The following CCDC85A variants were observed in gnomAD, a reference collection of about 807,000 sequenced individuals.
CCDC85A encodes the protein coiled-coil domain containing 85A, also known as coiled-coil domain-containing protein 85A.
CCDC85A carries 38 observed loss-of-function variants against 50.2 expected under a neutral mutation model. The ratio of observed to expected loss-of-function variants is 0.76; its 90% CI spans 0.58 to 0.99. The LOEUF (loss-of-function observed/expected upper bound fraction) is 0.99, where lower values mean the gene tolerates loss of function less well. Among genes scored for constraint, CCDC85A ranks in the 50% least tolerant of loss-of-function variants. The pLI is 0.00. For synonymous variants in CCDC85A, 366 were observed against 301.4 expected, an observed-to-expected ratio of 1.21 and a Z score of -2.22; for missense variants, 820 against 742.0, an observed-to-expected ratio of 1.11 and a Z score of -1.22.
At chr2:56,325,525 C>G (rs1253754795) in intron 2 of CCDC85A, among the ~76,000 whole-genome samples, 2 of 151,904 alleles carry the variant, frequency 1.3e-5, no homozygotes, top group African/African-American at 2.4e-5. Flanking sequence ...TGTTATCCAC[C>G]AAAAATAATG....
At chr2:56,273,346 T>C (rs1670780553) in intron 2 of CCDC85A, among the ~76,000 whole-genome samples, 2 of 151,982 alleles carry the variant, frequency 1.3e-5, no homozygotes, top group African/African-American at 4.8e-5. Context: ...CACCTCAGTA[T>C]ATGGGAGGGG....
chr2:56,361,371 A>G (rs1285751094), intron 3 of CCDC85A, among the ~76,000 whole-genome samples: 2 of 152,210 alleles, frequency 1.3e-5, no homozygotes, highest in African/African-American at 4.8e-5. Flanking sequence ...TCTCTTATGT[A>G]CAGATACTGT....
At chr2:56,364,662 G>C (rs6706350) in intron 3 of CCDC85A, among the ~76,000 whole-genome samples, 135,917 of 152,138 alleles carry the variant, frequency 0.89, 60,864 homozygotes, top group East Asian at 0.96. Context: ...TATTTTCTAT[G>C]CTGGTTAATA....
intron 5 of CCDC85A, 95 bp from the exon 6 acceptor site, chr2:56,384,171 C>A: frequency 9.5e-7 from 1 of 1,057,412 alleles, no homozygotes. Context: ...GTCTTTACTT[C>A]ATCTTCGCTC....
At chr2:56,265,535 T>C (rs1369232043) in intron 2 of CCDC85A, among the ~76,000 whole-genome samples, 1 of 152,140 alleles carries the variant, frequency 6.6e-6, no homozygotes, top group East Asian at 1.9e-4. Flanking sequence ...CCAACAGGTA[T>C]ATGAAAAAAT....
At chr2:56,252,020 C>T (rs1221413806) in intron 2 of CCDC85A, among the ~76,000 whole-genome samples, 1 of 151,608 alleles carries the variant, frequency 6.6e-6, no homozygotes, top group Non-Finnish European at 1.5e-5. Context: ...GGCTTCATCC[C>T]CTCATAGTTT....
chr2:56,310,480 C>G (rs959202977), intron 2 of CCDC85A, among the ~76,000 whole-genome samples: 3 of 152,110 alleles, frequency 2.0e-5, no homozygotes, highest in African/African-American at 7.2e-5. Context: ...GACAAAATGG[C>G]TTTCCTTTAT....
chr2:56,383,035 T>C (rs1676664513), intron 5 of CCDC85A, among the ~76,000 whole-genome samples: 1 of 152,002 alleles, frequency 6.6e-6, no homozygotes, highest in African/African-American at 2.4e-5. Flanking sequence ...TATATATTAA[T>C]AATTCCTTTC....
intron 2 of CCDC85A, among the ~76,000 whole-genome samples, chr2:56,301,957 T>TA (rs1425498441): frequency 6.6e-6 from 1 of 152,032 alleles, no homozygotes; most frequent in Non-Finnish European, 1.5e-5. Flanking sequence ...AAAGTGTAAT[T>TA]AAAAAAATCA....
intron 2 of CCDC85A, among the ~76,000 whole-genome samples, chr2:56,332,913 A>C (rs955405083): frequency 1.3e-5 from 2 of 152,154 alleles, no homozygotes; most frequent in East Asian, 3.9e-4. Flanking sequence ...GAAATAATGG[A>C]AAAGTATAGG....
intron 2 of CCDC85A, among the ~76,000 whole-genome samples, chr2:56,321,952 C>A (rs1004555537): frequency 5.9e-5 from 9 of 152,220 alleles, no homozygotes; most frequent in South Asian, 2.1e-4. Flanking sequence ...GAGATATAGA[C>A]CAATGGAACA....
At chr2:56,295,626 C>CT (rs1420808868) in intron 2 of CCDC85A, among the ~76,000 whole-genome samples, 5 of 152,138 alleles carry the variant, frequency 3.3e-5, no homozygotes, top group Non-Finnish European at 5.9e-5. Context: ...AATGGCCCCT[C>CT]TGTCTAGGAG....
At chr2:56,335,270 T>G (rs1222621748) in intron 2 of CCDC85A, among the ~76,000 whole-genome samples, 2 of 152,160 alleles carry the variant, frequency 1.3e-5, no homozygotes, top group African/African-American at 4.8e-5. Flanking sequence ...TGACGTAATT[T>G]CCTTAGGGAT....
At chr2:56,206,187 T>C in intron 2 of CCDC85A, among the ~76,000 whole-genome samples, 1 of 152,200 alleles carries the variant, frequency 6.6e-6, no homozygotes. Flanking sequence ...GAATGTTTTC[T>C]AATAGCAACA....
chr2:56,203,685 T>A (rs557894767), intron 2 of CCDC85A, among the ~76,000 whole-genome samples: 22 of 152,296 alleles, frequency 1.4e-4, no homozygotes, highest in Non-Finnish European at 2.8e-4. Context: ...CCCTGTGGAC[T>A]TTCACCCATA....
chr2:56,213,115 C>A (rs1212186260), intron 2 of CCDC85A, among the ~76,000 whole-genome samples: 1 of 151,908 alleles, frequency 6.6e-6, no homozygotes, highest in Non-Finnish European at 1.5e-5. Flanking sequence ...TATAATATCC[C>A]AGAATCAAAG....
intron 3 of CCDC85A, among the ~76,000 whole-genome samples, chr2:56,369,782 G>T (rs1295295653): frequency 1.3e-5 from 2 of 151,926 alleles, no homozygotes; most frequent in Non-Finnish European, 2.9e-5. Context: ...CTTCTTTTCA[G>T]TACTTGATTT....
intron 3 of CCDC85A, among the ~76,000 whole-genome samples, chr2:56,368,742 G>A (rs1213985573): frequency 6.6e-6 from 1 of 151,884 alleles, no homozygotes; most frequent in Non-Finnish European, 1.5e-5. Flanking sequence ...ACTATTTTAT[G>A]TAACACTACA....
chr2:56,374,386 A>G (rs1379770739), intron 4 of CCDC85A, among the ~76,000 whole-genome samples: 2 of 152,228 alleles, frequency 1.3e-5, no homozygotes, highest in African/African-American at 4.8e-5. Flanking sequence ...AATTGCAAAA[A>G]TAATAATCTG....
Sources: gnomAD v4.1 joint callset for allele counts (sites outside exome capture counted in the v4.1 genomes callset) on GRCh38, gnomAD v4.1.1 for gene constraint, MANE v1.5 for transcripts, NCBI Gene and HGNC (gene_info 2026-07-23, HGNC 2026-07-21) for gene names.